The following PCDH1 variants were observed in gnomAD, a reference collection of about 807,000 sequenced individuals.
PCDH1 encodes the protein protocadherin-1.
A neutral mutation model predicts 74.6 loss-of-function variants in PCDH1; 23 were observed. The observed-to-expected ratio is 0.31, with a 90% CI of 0.22 to 0.44. PCDH1 has a LOEUF of 0.44. Among genes scored for constraint, PCDH1 ranks in the 20% least tolerant of loss-of-function variants. The pLI, the probability that PCDH1 is intolerant of heterozygous loss-of-function variation, is 1.00. For missense variants in PCDH1, 1,214 were observed against 1,641.4 expected (o/e 0.74, Z 4.50); for synonymous variants, 647 against 686.1 (o/e 0.94, Z 0.89).
At chr5:141,877,181 G>T (rs888240554) in intron 1 of PCDH1, among the ~76,000 whole-genome samples, 25 of 152,290 alleles carry the variant, frequency 1.6e-4, no homozygotes, top group Middle Eastern at 3.4e-3. Context: ...GTGTGTATGC[G>T]CTGCAGGGTG....
At chr5:141,859,776 G>A (rs1596547571) in intron 3 of PCDH1, among the ~76,000 whole-genome samples, 1 of 152,120 alleles carries the variant, frequency 6.6e-6, no homozygotes, top group African/African-American at 2.4e-5. Flanking sequence ...GTTCAGTCCT[G>A]TACCTTCATC....
In PCDH1 at chr5:141,865,295, C is replaced by T. The variant is rs1454772219; in HGVS notation, c.1036G>A (p.Asp346Asn). The stretch of plus-strand genomic sequence containing the variant: ...CGCAGGGTGCTTAGGTCCTCACGGT[C>T]CACCGGGCCCTGAACAGTGATAAGT... ...TGLITVQGPV[D>N]REDLSTLRFS... The change falls in exon 3 of 5, where the codon GAC becomes AAC. Residue 346 changes from aspartate (D) to asparagine (N), a missense_variant. Coordinates refer to ENST00000287008, the MANE Select transcript of PCDH1 (RefSeq NM_032420.5). This position sits in a 1 kb window ranked among gnomAD's most constrained non-coding sequence, Gnocchi z 4.4. 6.2e-7 allele frequency: 1 copy of T among 1,614,170 alleles called. No homozygotes were observed. Among genetic ancestry groups the T allele is most frequent in the East Asian group, 2.2e-5 (1 of 44,878 alleles).
intron 4 of PCDH1, among the ~76,000 whole-genome samples, chr5:141,855,218 G>A (rs181160787): frequency 7.3e-5 from 11 of 151,578 alleles, no homozygotes; most frequent in African/African-American, 2.4e-4. Context: ...CAAGCAATCC[G>A]CCTGCCTCAG....
At position 141,869,850 on chromosome 5, in the gene PCDH1, G is replaced by C; in HGVS notation, c.41-419C>G. 5.2e-6 allele frequency: 5 copies of C among 968,530 alleles called. No individual in the cohort carries two copies. The highest frequency in any genetic ancestry group is 6.1e-6 in the Non-Finnish European group (5 of 814,514). The allele number at this position is 968,530 out of a possible 1,614,324, so 60.0% of individuals were successfully genotyped here. A position where few individuals can be genotyped will look rare whatever the true frequency, so the allele number is the denominator to read the frequency against. Reference sequence around the variant, plus strand: ...TGGTAATTACCTTGATACTGAGATAGGGAGAGAGAGCCAGTGGAAGGGTGA... The same window carrying C: ...TGGTAATTACCTTGATACTGAGATACGGAGAGAGAGCCAGTGGAAGGGTGA... On this transcript the variant is annotated intron_variant, in intron 1 of 4. Coordinates refer to ENST00000287008, the MANE Select transcript of PCDH1 (RefSeq NM_032420.5). This position sits in a 1 kb window ranked among gnomAD's most constrained non-coding sequence, Gnocchi z 4.9.
In PCDH1 at chr5:141,854,057, GC is replaced by G; in HGVS notation, c.3698del (p.Arg1233ProfsTer52). On this transcript the variant is annotated frameshift_variant, in exon 5 of 5. Transcript: ENST00000287008. LOFTEE classifies it high-confidence loss of function. ...ATPASAQTAKREIYL is the reference protein window; with the variant it reads ...ATPASAQTAKXEIYL ...AGTAGGGGGCTCACAGGTAGATCTC[GC>G]GCTTGGCCGTCTGGGCAGATGCCGG... is the stretch of plus-strand genomic sequence containing the variant. The G allele has an allele frequency of 9.7e-5, 147 of 1,517,032 alleles. No homozygotes were observed. In the East Asian group the frequency reaches 2.2e-3, roughly 23 times the overall value. The allele number at this position is 1,517,032 out of a possible 1,614,324, so 94.0% of individuals were successfully genotyped here. A position where few individuals can be genotyped will look rare whatever the true frequency, so the allele number is the denominator to read the frequency against.
chr5:141,874,258 G>A (rs997156842), intron 1 of PCDH1, among the ~76,000 whole-genome samples: 14 of 152,214 alleles, frequency 9.2e-5, no homozygotes, highest in Non-Finnish European at 1.9e-4. Flanking sequence ...GGAAGGGCAG[G>A]AGCAGCAATA....
chr5:141,871,965 GCA>G (rs1409853652), intron 1 of PCDH1, among the ~76,000 whole-genome samples: 2 of 152,178 alleles, frequency 1.3e-5, no homozygotes, highest in East Asian at 1.9e-4. Context: ...TTCACTGAAT[GCA>G]CAGAGTCTTT....
At chr5:141,858,387 A>G (rs555453305) in intron 3 of PCDH1, among the ~76,000 whole-genome samples, 36 of 152,148 alleles carry the variant, frequency 2.4e-4, no homozygotes, top group Non-Finnish European at 5.0e-4. Context: ...ACATGGGGAG[A>G]GGGCATGGCA....
rs1752927368 is a variant in PCDH1 at position 141,868,061 on chromosome 5, G to A, written c.903+508C>T. Among the ~76,000 whole-genome samples the A allele has an allele frequency of 1.3e-5, 2 of 152,330 alleles. No homozygotes were observed. Among genetic ancestry groups the A allele is most frequent in the South Asian group, 2.1e-4 (1 of 4,830 alleles). The stretch of plus-strand genomic sequence containing the variant: ...CTAGTATGTTTTTTCAGAACTCTGA[G>A]GGTCCCACCTGGCTAAAATGATCTC... On this transcript the variant is annotated intron_variant, in intron 2 of 4. Transcript: ENST00000287008. This position sits in a 1 kb window ranked among gnomAD's most constrained non-coding sequence, Gnocchi z 4.8.
At position 141,863,795 on chromosome 5, in the gene PCDH1, G is replaced by C. The variant is rs780589611; in HGVS notation, c.2536C>G (p.Arg846Gly). 6.2e-7 allele frequency: 1 copy of C among 1,614,150 alleles called. No homozygotes were observed. Among genetic ancestry groups the C allele is most frequent in the Admixed American group, 1.7e-5 (1 of 60,024 alleles). Residue 846 changes from arginine to glycine, a missense_variant, in exon 3 of 5, where the codon CGC becomes GGC. Arg to Gly is a moderately radical substitution (Grantham distance 125). Around this residue, in one of 4 missense-constraint regions of PCDH1, gnomAD observed 836 missense variants for 1,182.2 expected, o/e 0.71. Transcript: ENST00000287008. The surrounding 1 kb of genome is among the most constrained non-coding windows in gnomAD (Gnocchi z 7.5). ...IDIAGDPEYE[R>G]SKQRGNILFG... ...AGAATGTTGCCACGCTGCTTGGAGC[G>C]CTCATATTCTGGATCCCCAGCAATG...
In PCDH1 at chr5:141,868,424, C is replaced by T. The variant is rs1482596643; in HGVS notation, c.903+145G>A. On this transcript the variant is annotated intron_variant, in intron 2 of 4. Coordinates refer to ENST00000287008, the MANE Select transcript of PCDH1 (RefSeq NM_032420.5). This position sits in a 1 kb window ranked among gnomAD's most constrained non-coding sequence, Gnocchi z 4.8. ...CTGCTGGGGTGGGGTGGGAAAGACT[C>T]CCCTGGCTGAGTTTGGGGAGAAGGG... 4 of 1,413,104 alleles carry T rather than the reference C, an allele frequency of 2.8e-6. No homozygotes were observed. The highest frequency in any genetic ancestry group is 3.7e-6 in the Non-Finnish European group (4 of 1,087,384). 87.5% of individuals were successfully genotyped at this position (1,413,104 alleles called of 1,614,324 possible). A position where few individuals can be genotyped will look rare whatever the true frequency, so the allele number is the denominator to read the frequency against.
At position 141,869,384 on chromosome 5, in the gene PCDH1, G is replaced by A; in HGVS notation, c.88C>T (p.Pro30Ser). ...AGTAGCCGTTGCCCCCCAGGGCCTG[G>A]GCTGTGCCTCAGGTGCTCCATCCTG... is the stretch of plus-strand genomic sequence containing the variant. ...PPRMEHLRHS[P>S]GPGGQRLLLP... The change falls in exon 2 of 5, where the codon CCA becomes TCA. Residue 30 changes from proline to serine, a missense_variant. Pro to Ser is a moderately conservative substitution (Grantham distance 74). Transcript: ENST00000287008. The surrounding 1 kb of genome is among the most constrained non-coding windows in gnomAD (Gnocchi z 4.9). 1 of 1,598,010 alleles carries A rather than the reference G, an allele frequency of 6.3e-7. No individual in the cohort carries two copies. Among genetic ancestry groups the A allele is most frequent in the Non-Finnish European group, 8.5e-7 (1 of 1,177,104 alleles).
In PCDH1 at chr5:141,863,696, G is replaced by C; in HGVS notation, c.2635C>G (p.Gln879Glu). ...ALAVLVRYCR[Q>E]REAKSGYQAG... ...TGGTAACCACTTTTGGCCTCCCGCTGTCTGCAGTAGCGCACAAGAACCGCC... is the reference window on the plus strand; with the variant it reads ...TGGTAACCACTTTTGGCCTCCCGCTCTCTGCAGTAGCGCACAAGAACCGCC... The change falls in exon 3 of 5, where the codon CAG becomes GAG. Residue 879 changes from glutamine to glutamate, a missense_variant. By Grantham distance (29) the Gln-to-Glu change is conservative (BLOSUM62 2). Transcript: ENST00000287008. This position sits in a 1 kb window ranked among gnomAD's most constrained non-coding sequence, Gnocchi z 7.5. 6.2e-7 allele frequency: 1 copy of C among 1,614,194 alleles called. No homozygotes were observed. The highest frequency in any genetic ancestry group is 8.5e-7 in the Non-Finnish European group (1 of 1,180,026).
At chr5:141,856,125 C>T (rs932443087) in intron 4 of PCDH1, 52 of 1,166,206 alleles carry the variant, frequency 4.5e-5, no homozygotes, top group African/African-American at 3.3e-4. Context: ...AGTTGGGGGA[C>T]GCAACATGGC....
intron 2 of PCDH1, chr5:141,867,704 G>A: frequency 2.4e-6 from 1 of 419,098 alleles, no homozygotes; most frequent in African/African-American, 2.1e-5. Flanking sequence ...ATGGGTAATG[G>A]TGTCCAGGGC....
intron 4 of PCDH1, among the ~76,000 whole-genome samples, chr5:141,855,291 A>C (rs1752291378): frequency 6.6e-6 from 1 of 152,030 alleles, no homozygotes; most frequent in African/African-American, 2.4e-5. Context: ...CATTCCTTCC[A>C]GCGTCACCTA....
intron 3 of PCDH1, chr5:141,862,893 A>T: frequency 8.3e-7 from 1 of 1,199,700 alleles, no homozygotes; most frequent in Non-Finnish European, 1.0e-6. Flanking sequence ...CTTCTTACCC[A>T]TTTCCCTCCC....
chr5:141,875,717 CG>C (rs1231999564), intron 1 of PCDH1, among the ~76,000 whole-genome samples: 7 of 152,130 alleles, frequency 4.6e-5, no homozygotes, highest in African/African-American at 1.7e-4. Flanking sequence ...AAACTAAATG[CG>C]GCCAGAACTG....
rs1482244983 is a variant in PCDH1, at chr5:141,863,499, A to G, written c.2832T>C (p.Asp944=). The G allele has an allele frequency of 6.2e-7, 1 of 1,612,100 alleles. No homozygotes were observed. The highest frequency in any genetic ancestry group is 2.2e-5 in the East Asian group (1 of 44,836). The part of the protein sequence containing the change: ...QKSLKFNLMS[D]APGDSPRIHL... ...GGATGCGGGGACTGTCCCCAGGGGC[A>G]TCGCTCATCAGGTTGAACTTGAGGG... is the stretch of plus-strand genomic sequence containing the variant. The change falls in exon 3 of 5, where the codon GAT becomes GAC. Residue 944 remains aspartate, a synonymous_variant. Transcript: ENST00000287008. This position sits in a 1 kb window ranked among gnomAD's most constrained non-coding sequence, Gnocchi z 7.5.
Sources: allele counts gnomAD v4.1 joint callset (sites outside exome capture counted in the v4.1 genomes callset), GRCh38; gene constraint gnomAD v4.1.1; regional missense constraint gnomAD v4.1.1; non-coding constraint Gnocchi (gnomAD v3.1); transcripts MANE v1.5; gene names NCBI Gene and HGNC (gene_info 2026-07-23, HGNC 2026-07-21).